PIP5K1C: variants seen among roughly 807,000 people sequenced by gnomAD.
PIP5K1C encodes phosphatidylinositol 4-phosphate 5-kinase type-1 gamma.
In PIP5K1C, 45 loss-of-function variants were observed where a neutral mutation model predicts 80.1. That is an observed-to-expected ratio of 0.56 (90% CI 0.44 to 0.72). PIP5K1C has a LOEUF of 0.72. PIP5K1C is among the 30% of genes least tolerant of loss of function. PIP5K1C has a pLI of 0.00. For synonymous variants in PIP5K1C, 498 were observed against 420.1 expected (o/e 1.19, Z -2.27); for missense variants, 753 against 954.6 (o/e 0.79, Z 2.78).
intron 3 of PIP5K1C, among the ~76,000 whole-genome samples, 153 bp from the exon 4 acceptor site, chr19:3,662,154 T>C (rs1431198427): frequency 1.3e-5 from 2 of 152,096 alleles, no homozygotes; most frequent in Admixed American, 1.3e-4. Context: ...CTGCCTGTCC[T>C]GCGGCTGCTG....
At chr19:3,643,940 G>A in intron 12 of PIP5K1C, 147 bp downstream of exon 12, 4 of 956,776 alleles carry the variant, frequency 4.2e-6, no homozygotes, top group Non-Finnish European at 6.2e-6. Flanking sequence ...GGTCCCAGCA[G>A]CCCCCACTCC....
intron 1 of PIP5K1C, among the ~76,000 whole-genome samples, chr19:3,694,980 C>A (rs1400560013): frequency 1.3e-5 from 2 of 152,384 alleles, no homozygotes; most frequent in African/African-American, 4.8e-5. Context: ...CCCAGCTCTG[C>A]CGCTGCAGCG....
At chr19:3,678,291 T>TGGAGGGAGGGAGGGAC (rs2035457439) in intron 1 of PIP5K1C, among the ~76,000 whole-genome samples, 1 of 41,156 alleles carries the variant, frequency 2.4e-5, no homozygotes, top group Non-Finnish European at 4.8e-5. Flanking sequence ...GGTGGAGGGA[T>TGGAGGGAGGGAGGGAC]GGAGGGATGG....
intron 1 of PIP5K1C, among the ~76,000 whole-genome samples, chr19:3,669,290 C>G (rs2035122971): frequency 6.6e-6 from 1 of 152,224 alleles, no homozygotes; most frequent in South Asian, 2.1e-4. Context: ...GGCTGCCTCC[C>G]TGCTCTGGGC....
chr19:3,687,801 G>A (rs1035745556), intron 1 of PIP5K1C, among the ~76,000 whole-genome samples: 2 of 152,154 alleles, frequency 1.3e-5, no homozygotes, highest in Non-Finnish European at 2.9e-5. Flanking sequence ...GGTGCTCCCC[G>A]CAGGGCATAG....
chr19:3,639,128 A>G (rs2033845836), intron 15 of PIP5K1C, 112 bp from the exon 16 acceptor site: 1 of 1,327,266 alleles, frequency 7.5e-7, no homozygotes, highest in East Asian at 2.4e-5. Flanking sequence ...CGGAGATGAA[A>G]AGCCAGGCAG....
At chr19:3,683,682 T>C (rs2035659465) in intron 1 of PIP5K1C, among the ~76,000 whole-genome samples, 1 of 152,034 alleles carries the variant, frequency 6.6e-6, no homozygotes, top group African/African-American at 2.4e-5. Flanking sequence ...CCAGTCTGCG[T>C]CACCACAGCA....
intron 13 of PIP5K1C, 94 bp downstream of exon 13, chr19:3,643,149 A>G (rs2034047211): frequency 3.2e-6 from 5 of 1,582,470 alleles, no homozygotes; most frequent in East Asian, 2.2e-5. Context: ...CTCCACCCAC[A>G]TGCACAGCGG....
chr19:3,666,899 T>A (rs1346497067), intron 2 of PIP5K1C, among the ~76,000 whole-genome samples: 8 of 152,276 alleles, frequency 5.3e-5, no homozygotes, highest in Admixed American at 2.6e-4. Flanking sequence ...TGGGTGCAGC[T>A]GGTAGCCTCG....
At chr19:3,659,086 G>C (rs1417311207) in intron 5 of PIP5K1C, among the ~76,000 whole-genome samples, 2 of 152,164 alleles carry the variant, frequency 1.3e-5, no homozygotes, top group African/African-American at 4.8e-5. Context: ...CCCTTACCAG[G>C]GGGGACTGTG....
chr19:3,655,228 C>A (rs2034582089), intron 6 of PIP5K1C, among the ~76,000 whole-genome samples: 1 of 151,448 alleles, frequency 6.6e-6, no homozygotes, highest in Non-Finnish European at 1.5e-5. Context: ...ACCATCCTGG[C>A]TAACACGGTG....
chr19:3,668,979 C>T (rs1021230971), intron 1 of PIP5K1C, among the ~76,000 whole-genome samples: 94 of 152,270 alleles, frequency 6.2e-4, no homozygotes, highest in Admixed American at 1.2e-3. Flanking sequence ...CTGTTGGATT[C>T]CGATGCTGGC....
intron 6 of PIP5K1C, 83 bp downstream of exon 6, chr19:3,656,322 A>G: frequency 6.6e-7 from 1 of 1,525,478 alleles, no homozygotes; most frequent in Non-Finnish European, 9.0e-7. Context: ...CTGCTTGCCC[A>G]AGCCTTGCAG....
At chr19:3,636,771 G>C (rs895308673) in intron 16 of PIP5K1C, 7 of 986,428 alleles carry the variant, frequency 7.1e-6, no homozygotes, top group African/African-American at 3.5e-5. Flanking sequence ...GGCCTCGGCG[G>C]AGGCTTTGTC....
intron 16 of PIP5K1C, among the ~76,000 whole-genome samples, chr19:3,635,229 G>A (rs1217162606): frequency 6.6e-6 from 1 of 152,244 alleles, no homozygotes; most frequent in Non-Finnish European, 1.5e-5. Flanking sequence ...AGGGATGACA[G>A]TATCCTTCTG....
At chr19:3,646,518 G>A (rs1432914054) in intron 10 of PIP5K1C, among the ~76,000 whole-genome samples, 1 of 152,174 alleles carries the variant, frequency 6.6e-6, no homozygotes, top group Non-Finnish European at 1.5e-5. Flanking sequence ...GGCTGCAGTG[G>A]GAGGTGGTGC....
chr19:3,634,541 A>C (rs1321862311), intron 16 of PIP5K1C, among the ~76,000 whole-genome samples: 1 of 152,124 alleles, frequency 6.6e-6, no homozygotes, highest in Non-Finnish European at 1.5e-5. Context: ...TCGGCCCCTA[A>C]ACTCGCCACA....
Position 3,648,497 on chromosome 19 carries a change from G to A in PIP5K1C, c.1211+128C>T. ...GCGCCCATCCACCTGTGGGACTGCA[G>A]ACCCAGGCGCCCACCTGTGGGGCTG... On this transcript the variant is annotated intron_variant, in intron 9 of 17. Transcript: ENST00000335312. The surrounding 1 kb of genome is among the most constrained non-coding windows in gnomAD (Gnocchi z 4.3). 1.2e-6 allele frequency: 1 copy of A among 852,468 alleles called. No individual in the cohort carries two copies. The highest frequency in any genetic ancestry group is 2.0e-6 in the Non-Finnish European group (1 of 503,972). The allele number at this position is 852,468 out of a possible 1,614,324, so 52.8% of individuals were successfully genotyped here. A position where few individuals can be genotyped will look rare whatever the true frequency, so the allele number is the denominator to read the frequency against.
chr19:3,637,500 C>A lies in PIP5K1C; in HGVS notation c.1920+1384G>T. On this transcript the variant is annotated intron_variant, in intron 16 of 17. Coordinates refer to ENST00000335312, the MANE Select transcript of PIP5K1C (RefSeq NM_012398.3). The surrounding 1 kb of genome is among the most constrained non-coding windows in gnomAD (Gnocchi z 7.0). ...CTCCCTGCTGCCCGAGGGGCACTGCCCCTTCTCCCCAGGGTGGCCGGCTGC... is the reference window on the plus strand; with the variant it reads ...CTCCCTGCTGCCCGAGGGGCACTGCACCTTCTCCCCAGGGTGGCCGGCTGC... The A allele has an allele frequency of 6.5e-7, 1 of 1,535,710 alleles. No homozygotes were observed. The highest frequency in any genetic ancestry group is 2.4e-5 in the East Asian group (1 of 40,892).
Sources: gnomAD v4.1 joint callset for allele counts (sites outside exome capture counted in the v4.1 genomes callset) on GRCh38, gnomAD v4.1.1 for gene constraint, Gnocchi (gnomAD v3.1) non-coding constraint, MANE v1.5 for transcripts, NCBI Gene and HGNC (gene_info 2026-07-23, HGNC 2026-07-21) for gene names.